CAP2: variants seen among roughly 807,000 people sequenced by gnomAD.
CAP2 encodes the protein adenylyl cyclase-associated protein 2.
In CAP2, 24 loss-of-function variants were observed where a neutral mutation model predicts 57.7. The ratio of observed to expected loss-of-function variants is 0.42; its 90% CI spans 0.30 to 0.58. CAP2 has a LOEUF of 0.58. CAP2 is among the 20% of genes least tolerant of loss of function. The pLI is 0.22. For missense variants in CAP2, 501 were observed against 590.3 expected (o/e 0.85, Z 1.57); for synonymous variants, 194 against 207.2 (o/e 0.94, Z 0.55).
chr6:17,511,968 T>C (rs1356584666), intron 6 of CAP2, among the ~76,000 whole-genome samples: 1 of 152,086 alleles, frequency 6.6e-6, no homozygotes, highest in African/African-American at 2.4e-5. Flanking sequence ...AAGGGCACCA[T>C]ACTCTTAGTC....
At chr6:17,467,057 T>C (rs566846497) in intron 4 of CAP2, among the ~76,000 whole-genome samples, 1 of 152,272 alleles carries the variant, frequency 6.6e-6, no homozygotes, top group East Asian at 1.9e-4. Context: ...CTTTCAGGGC[T>C]GGAGAACCTT....
At chr6:17,450,559 C>T (rs1037059315) in intron 3 of CAP2, among the ~76,000 whole-genome samples, 1 of 152,136 alleles carries the variant, frequency 6.6e-6, no homozygotes. Context: ...CAGAGCTGTG[C>T]ACTGATGTAA....
chr6:17,547,601 G>A lies in CAP2; in HGVS notation c.1210-3863G>A, dbSNP rs559316236. Among the ~76,000 whole-genome samples, 9 of 152,246 alleles carry A rather than the reference G, an allele frequency of 5.9e-5. No homozygotes were observed. The East Asian group carries it at 1.7e-3, about 29-fold the overall frequency. The stretch of plus-strand genomic sequence containing the variant: ...TCACGCCTGTAATCCCAGCATTTTG[G>A]GAGGCCAAGGTGGGCAAATCACGAG... On this transcript the variant is annotated intron_variant, in intron 11 of 12. Transcript: ENST00000229922.
intron 3 of CAP2, among the ~76,000 whole-genome samples, chr6:17,444,804 C>CCACA (rs142931025): frequency 0.059 from 8,231 of 140,306 alleles, 261 homozygotes; most frequent in East Asian, 0.16. Context: ...TTCTCTCTCT[C>CCACA]CACACACACA....
chr6:17,525,681 A>G (rs1469099329), intron 7 of CAP2, among the ~76,000 whole-genome samples: 1 of 152,186 alleles, frequency 6.6e-6, no homozygotes, highest in Non-Finnish European at 1.5e-5. Context: ...TGTTTCAGGC[A>G]CTGTGCCACA....
At chr6:17,540,872 C>G in intron 8 of CAP2, 101 bp from the exon 9 acceptor site, 1 of 1,197,496 alleles carries the variant, frequency 8.4e-7, no homozygotes, top group Non-Finnish European at 1.2e-6. Flanking sequence ...GTGGCCTTAC[C>G]AAAAGTTCTT....
rs985509359 is a variant in CAP2, at chr6:17,493,448, C to T, written c.301-13721C>T. The T allele has an allele frequency of 1.9e-5, 6 of 308,954 alleles. No individual in the cohort carries two copies. The Admixed American group carries it at 2.0e-4, about 10-fold the overall frequency. 19.1% of individuals were successfully genotyped at this position (308,954 alleles called of 1,614,324 possible). A position where few individuals can be genotyped will look rare whatever the true frequency, so the allele number is the denominator to read the frequency against. On this transcript the variant is annotated intron_variant, in intron 4 of 12. Coordinates refer to ENST00000229922, the MANE Select transcript of CAP2 (RefSeq NM_006366.3). Reference sequence around the variant, plus strand: ...AAACAAAAATAATTTCACCGCCAACCACAGACTGTACCCATAATGGAGGCT... The same window carrying T: ...AAACAAAAATAATTTCACCGCCAACTACAGACTGTACCCATAATGGAGGCT...
In CAP2 at chr6:17,539,358, G is replaced by T. The variant is rs751086261; in HGVS notation, c.726G>T (p.Gly242=). 2.0e-5 allele frequency: 32 copies of T among 1,614,092 alleles called. No individual in the cohort carries two copies. The highest frequency in any genetic ancestry group is 2.7e-5 in the African/African-American group (2 of 75,034). The change falls in exon 8 of 13, where the codon GGG becomes GGT. Residue 242 remains glycine (G), a synonymous_variant. Transcript: ENST00000229922. ...CCCCTCCTCCTCTGCCTCCTCCAGG[G>T]CCACCTCCACTTTTCGAGAATGAAG... The part of the protein sequence containing the change: ...PPPPPPLPPP[G]PPPLFENEGK...
Position 17,513,927 on chromosome 6 carries a change from C to T in CAP2, c.609C>T (p.His203=). 1 of 1,612,722 alleles carries T rather than the reference C, an allele frequency of 6.2e-7. No homozygotes were observed. The highest frequency in any genetic ancestry group is 8.5e-7 in the Non-Finnish European group (1 of 1,178,676). ...SELQAYIKEH[H]TTGLTWSKTG... Reference sequence around the variant, plus strand: ...TTCAAGCATACATCAAGGAACACCACACCACGGGCCTCACATGGAGCAAAA... The same window carrying T: ...TTCAAGCATACATCAAGGAACACCATACCACGGGCCTCACATGGAGCAAAA... Residue 203 remains histidine, a synonymous_variant, in exon 7 of 13, where the codon CAC becomes CAT. Coordinates refer to ENST00000229922, the MANE Select transcript of CAP2 (RefSeq NM_006366.3). This position sits in a 1 kb window ranked among gnomAD's most constrained non-coding sequence, Gnocchi z 4.3.
chr6:17,448,270 G>C (rs1760313913), intron 3 of CAP2, among the ~76,000 whole-genome samples: 1 of 152,218 alleles, frequency 6.6e-6, no homozygotes, highest in African/African-American at 2.4e-5. Context: ...CATCAACCAT[G>C]AAGGATTTGC....
At chr6:17,483,961 C>T (rs57604871) in intron 4 of CAP2, among the ~76,000 whole-genome samples, 1,727 of 151,842 alleles carry the variant, frequency 0.011, 34 homozygotes, top group African/African-American at 0.039. Flanking sequence ...TTTCTGGTCA[C>T]TTCTGCTTGG....
chr6:17,464,540 T>C (rs1760813823), intron 4 of CAP2, among the ~76,000 whole-genome samples: 3 of 152,150 alleles, frequency 2.0e-5, no homozygotes, highest in Admixed American at 2.0e-4. Flanking sequence ...AAAATACCAG[T>C]ACCTGGGTCC....
intron 3 of CAP2, among the ~76,000 whole-genome samples, chr6:17,443,160 G>T (rs1042822621): frequency 6.6e-6 from 1 of 152,186 alleles, no homozygotes; most frequent in African/African-American, 2.4e-5. Flanking sequence ...ACTGAAGCGG[G>T]AGGATCATTT....
At chr6:17,509,016 A>C (rs553341408) in intron 6 of CAP2, among the ~76,000 whole-genome samples, 1 of 151,948 alleles carries the variant, frequency 6.6e-6, no homozygotes, top group East Asian at 1.9e-4. Context: ...CAGCCTCCCA[A>C]AGTGTTGGGA....
At chr6:17,431,280 A>G (rs377652140) in intron 3 of CAP2, among the ~76,000 whole-genome samples, 23 of 152,320 alleles carry the variant, frequency 1.5e-4, no homozygotes, top group East Asian at 9.6e-4. Flanking sequence ...ACAAACCTGT[A>G]TGTGTACCCC....
chr6:17,499,731 G>T (rs1761755614), intron 4 of CAP2, among the ~76,000 whole-genome samples: 1 of 151,966 alleles, frequency 6.6e-6, no homozygotes, highest in Non-Finnish European at 1.5e-5. Flanking sequence ...CATGCCTGTG[G>T]TTCCAGCCAC....
chr6:17,415,921 A>C (rs189782475), intron 1 of CAP2, among the ~76,000 whole-genome samples: 259 of 152,248 alleles, frequency 1.7e-3, no homozygotes, highest in Admixed American at 2.7e-3. Context: ...CAGACCCTTC[A>C]CCAATGAGCA....
At chr6:17,436,105 C>T (rs1759880445) in intron 3 of CAP2, among the ~76,000 whole-genome samples, 6 of 150,662 alleles carry the variant, frequency 4.0e-5, no homozygotes, top group African/African-American at 1.2e-4. Context: ...TTCCTTCCTT[C>T]CTTCCTTCCT....
rs566405113 is a variant in CAP2 at position 17,409,236 on chromosome 6, G to A, written c.-1-12319G>A. 5.3e-5 allele frequency among the ~76,000 whole-genome samples: 8 copies of A among 151,970 alleles called. 1 individual carries two copies. Among genetic ancestry groups the A allele is most frequent in the Admixed American group, 4.6e-4 (7 of 15,274 alleles). On this transcript the variant is annotated intron_variant, in intron 1 of 12. Transcript: ENST00000229922. ...AAAATACAAAAATTCACCAGGTGTG[G>A]TGGCAGGCACCTATAATCCCAGCTA...
Sources: gnomAD v4.1 joint callset for allele counts (sites outside exome capture counted in the v4.1 genomes callset) on GRCh38, gnomAD v4.1.1 for gene constraint, Gnocchi (gnomAD v3.1) non-coding constraint, MANE v1.5 for transcripts, NCBI Gene and HGNC (gene_info 2026-07-23, HGNC 2026-07-21) for gene names.